Variants in PSMB7 observed in about 807,000 individuals in gnomAD.
The protein encoded by PSMB7 is proteasome subunit beta type-7.
PSMB7 carries 5 observed loss-of-function variants against 28.1 expected under a neutral mutation model. That is an observed-to-expected ratio of 0.18 (90% CI 0.09 to 0.37). The LOEUF is 0.37. PSMB7 is among the 10% of genes least tolerant of loss of function. The pLI is 1.00. For synonymous variants in PSMB7, 122 were observed against 123.7 expected, an observed-to-expected ratio of 0.99 and a Z score of 0.09; for missense variants, 275 against 346.2, an observed-to-expected ratio of 0.79 and a Z score of 1.63.
At chr9:124,403,575 G>A (rs570380344) in intron 5 of PSMB7, among the ~76,000 whole-genome samples, 1 of 152,248 alleles carries the variant, frequency 6.6e-6, no homozygotes, top group East Asian at 1.9e-4. Context: ...GCAAAAAGCT[G>A]GTTAGCAAAT....
intron 5 of PSMB7, among the ~76,000 whole-genome samples, chr9:124,389,209 G>GT (rs1364689890): frequency 1.3e-5 from 2 of 152,272 alleles, no homozygotes; most frequent in East Asian, 3.9e-4. Flanking sequence ...ACAAAACCAA[G>GT]TCCTGTTATA....
intron 5 of PSMB7, chr9:124,396,854 A>C (rs1830848885): frequency 2.1e-6 from 1 of 468,802 alleles, no homozygotes; most frequent in African/African-American, 2.0e-5. Context: ...AAAGCTGGCA[A>C]GTTCAAAGAA....
At chr9:124,374,707 C>G (rs1830592266) in intron 6 of PSMB7, among the ~76,000 whole-genome samples, 1 of 152,072 alleles carries the variant, frequency 6.6e-6, no homozygotes, top group East Asian at 1.9e-4. Context: ...CTCCTGTATT[C>G]CAGCTACTTG....
At position 124,385,461 on chromosome 9, in the gene PSMB7, T is replaced by A. The variant is rs578071805; in HGVS notation, c.512-805A>T. Among the ~76,000 whole-genome samples, 9 of 152,304 alleles carry A rather than the reference T, an allele frequency of 5.9e-5. No individual in the cohort carries two copies. In the South Asian group the frequency reaches 1.9e-3, roughly 32 times the overall value. On this transcript the variant is annotated intron_variant, in intron 5 of 7. Transcript: ENST00000259457. ...AAGGCAGCTAAGCACTCCTTGAAAA[T>A]TTAAATTTGCTTTGTTCAAAAACCA... is the stretch of plus-strand genomic sequence containing the variant.
At chr9:124,405,176 G>T in intron 5 of PSMB7, 141 bp downstream of exon 5, 1 of 600,688 alleles carries the variant, frequency 1.7e-6, no homozygotes, top group African/African-American at 1.9e-5. Flanking sequence ...CTAATCTATA[G>T]TAGGAACTCA....
chr9:124,376,893 A>G (rs1227810548), intron 6 of PSMB7, among the ~76,000 whole-genome samples: 1 of 152,210 alleles, frequency 6.6e-6, no homozygotes, highest in East Asian at 1.9e-4. Flanking sequence ...AAATGGAGAC[A>G]ACAAAGTACT....
chr9:124,405,102 T>C (rs1459522864), intron 5 of PSMB7, among the ~76,000 whole-genome samples: 1 of 152,160 alleles, frequency 6.6e-6, no homozygotes, highest in Non-Finnish European at 1.5e-5. Flanking sequence ...TACAAAATCC[T>C]CGAGAGCAGG....
intron 6 of PSMB7, among the ~76,000 whole-genome samples, chr9:124,369,110 T>C (rs973560165): frequency 2.0e-5 from 3 of 152,244 alleles, no homozygotes; most frequent in Admixed American, 6.5e-5. Context: ...AGGGTGACAA[T>C]GACGGCGAGA....
In PSMB7 at chr9:124,358,701, C is replaced by A. The variant is rs776723169; in HGVS notation, c.571-1786G>T. ...CCTTCGGTGTGTGCGCACATGGGCA[C>A]GTGCGGGGAGAACCATACTTATTCC... On this transcript the variant is annotated intron_variant, in intron 6 of 7. Transcript: ENST00000259457. 1.5e-4 allele frequency among the ~76,000 whole-genome samples: 23 copies of A among 152,234 alleles called. 1 individual carries two copies. Among genetic ancestry groups the A allele is most frequent in the African/African-American group, 4.1e-4 (17 of 41,464 alleles).
chr9:124,408,801 T>C (rs1452135967), intron 4 of PSMB7, among the ~76,000 whole-genome samples: 4 of 152,230 alleles, frequency 2.6e-5, no homozygotes, highest in Non-Finnish European at 4.4e-5. Context: ...ACAGTGTATG[T>C]GTCTAAGTGG....
intron 5 of PSMB7, among the ~76,000 whole-genome samples, chr9:124,402,967 G>A (rs560484386): frequency 3.9e-5 from 6 of 152,096 alleles, no homozygotes; most frequent in Admixed American, 2.0e-4. Context: ...CCTTGTAAGA[G>A]GCTAGATAAC....
intron 5 of PSMB7, among the ~76,000 whole-genome samples, chr9:124,391,792 C>T (rs923054625): frequency 6.6e-5 from 10 of 152,156 alleles, no homozygotes; most frequent in African/African-American, 2.2e-4. Flanking sequence ...TGAAATTTTA[C>T]AATCTAGATA....
intron 6 of PSMB7, among the ~76,000 whole-genome samples, chr9:124,362,246 T>C (rs1317414322): frequency 2.0e-5 from 3 of 152,348 alleles, no homozygotes; most frequent in Admixed American, 1.3e-4. Flanking sequence ...CCGGCAAATA[T>C]ATTGTTTATG....
At chr9:124,368,876 G>A (rs1417074338) in intron 6 of PSMB7, among the ~76,000 whole-genome samples, 1 of 152,104 alleles carries the variant, frequency 6.6e-6, no homozygotes, top group Non-Finnish European at 1.5e-5. Flanking sequence ...GGCTACAGGG[G>A]TTACACAAGA....
intron 3 of PSMB7, 64 bp from the exon 4 acceptor site, chr9:124,412,556 G>C (rs1342878068): frequency 1.7e-5 from 27 of 1,560,622 alleles, no homozygotes. Flanking sequence ...TAGAAGTAAT[G>C]GGTTCTTGGA....
Position 124,358,920 on chromosome 9 carries a change from T to A in PSMB7, c.571-2005A>T, listed in dbSNP as rs1705022953. ...AATGATCTGGGTAGATGGGGACAGGTGAAGACTTGGGGAAACGGAAATATA... is the reference window on the plus strand; with the variant it reads ...AATGATCTGGGTAGATGGGGACAGGAGAAGACTTGGGGAAACGGAAATATA... On this transcript the variant is annotated intron_variant, in intron 6 of 7. Transcript: ENST00000259457. Among the ~76,000 whole-genome samples the A allele has an allele frequency of 2.6e-5, 4 of 152,212 alleles. No individual in the cohort carries two copies. In the South Asian group the frequency reaches 8.3e-4, roughly 32 times the overall value.
chr9:124,406,089 G>A lies in PSMB7; in HGVS notation c.396-657C>T, dbSNP rs183999705. Among the ~76,000 whole-genome samples, 60 of 152,288 alleles carry A rather than the reference G, an allele frequency of 3.9e-4. 1 individual carries two copies. The Middle Eastern group carries it at 0.014, about 35-fold the overall frequency. On this transcript the variant is annotated intron_variant, in intron 4 of 7. Transcript: ENST00000259457. ...CCCGGTCTCAGAACCAAATTGGACTGACTCCAAAGATTATCAGCACTTTTC... is the reference window on the plus strand; with the variant it reads ...CCCGGTCTCAGAACCAAATTGGACTAACTCCAAAGATTATCAGCACTTTTC...
chr9:124,386,319 G>A (rs1314790222), intron 5 of PSMB7, among the ~76,000 whole-genome samples: 1 of 152,224 alleles, frequency 6.6e-6, no homozygotes, highest in African/African-American at 2.4e-5. Context: ...TGTCCTTGAA[G>A]ATGTGGAAAC....
At position 124,377,622 on chromosome 9, in the gene PSMB7, G is replaced by T. The variant is rs150753052; in HGVS notation, c.570+6976C>A. Among the ~76,000 whole-genome samples, 435 of 152,354 alleles carry T rather than the reference G, an allele frequency of 2.9e-3. 3 individuals are homozygous for T. The highest frequency in any genetic ancestry group is 9.4e-3 in the African/African-American group (389 of 41,578). On this transcript the variant is annotated intron_variant, in intron 6 of 7. Transcript: ENST00000259457. ...AATTCTGTTTCCTCAGTAGCTAGGT[G>T]TTTGGCATCACGCTTGTGAGGTAAC...
Sources: allele counts gnomAD v4.1 joint callset (sites outside exome capture counted in the v4.1 genomes callset), GRCh38; gene constraint gnomAD v4.1.1; transcripts MANE v1.5; gene names NCBI Gene and HGNC (gene_info 2026-07-23, HGNC 2026-07-21).